GRIK5: variants seen among roughly 807,000 people sequenced by gnomAD.
GRIK5 encodes glutamate ionotropic receptor kainate type subunit 5, also known as glutamate receptor ionotropic, kainate 5.
Under a neutral mutation model 97.4 loss-of-function variants are expected in GRIK5, and 43 were observed. The observed-to-expected ratio is 0.44, with a 90% confidence interval of 0.35 to 0.57. GRIK5 has a LOEUF of 0.57. Among genes scored for constraint, GRIK5 ranks in the 20% least tolerant of loss-of-function variants. The pLI, the probability that GRIK5 is intolerant of heterozygous loss-of-function variation, is 0.01. For missense variants in GRIK5, 1,015 were observed against 1,382.0 expected (o/e 0.73, Z 4.21); for synonymous variants, 580 against 583.5 (o/e 0.99, Z 0.09).
At chr19:42,009,767 CAAA>C (rs1171061442) in intron 15 of GRIK5, among the ~76,000 whole-genome samples, 15 of 63,176 alleles carry the variant, frequency 2.4e-4, no homozygotes, top group African/African-American at 4.9e-4. Flanking sequence ...GACTTTGTCT[CAAA>C]AAAAAAAAAA....
rs1555870414 is a variant in GRIK5 at position 41,999,303 on chromosome 19, G to C, written c.2515-4C>G. ...GCATCTCCTGGCACACCGACACCTG[G>C]GGGTGGCGCGGGCGGTCACCGTCCC... On this transcript the variant is annotated splice_region_variant and splice_polypyrimidine_tract_variant and intron_variant, in intron 19 of 19. Transcript: ENST00000593562. This position sits in a 1 kb window ranked among gnomAD's most constrained non-coding sequence, Gnocchi z 5.0. The C allele has an allele frequency of 2.0e-6, 3 of 1,510,822 alleles. No individual in the cohort carries two copies. The highest frequency in any genetic ancestry group is 2.7e-5 in the East Asian group (1 of 36,902). 93.6% of individuals were successfully genotyped at this position (1,510,822 alleles called of 1,614,324 possible). A position where few individuals can be genotyped will look rare whatever the true frequency, so the allele number is the denominator to read the frequency against.
At chr19:42,053,367 T>C (rs967497885) in intron 11 of GRIK5, among the ~76,000 whole-genome samples, 6 of 152,234 alleles carry the variant, frequency 3.9e-5, no homozygotes, top group African/African-American at 2.4e-5. Context: ...CAGAGCCAGA[T>C]ACTGTGCAAA....
At chr19:42,058,999 A>G (rs906073369) in intron 6 of GRIK5, among the ~76,000 whole-genome samples, 3 of 151,918 alleles carry the variant, frequency 2.0e-5, no homozygotes, top group Non-Finnish European at 4.4e-5. Context: ...TTCTCTCCCC[A>G]TCACTCGCTC....
At chr19:42,033,415 G>A (rs2075864171) in intron 12 of GRIK5, among the ~76,000 whole-genome samples, 1 of 151,286 alleles carries the variant, frequency 6.6e-6, no homozygotes, top group Non-Finnish European at 1.5e-5. Context: ...AGTGAAAGAA[G>A]CCATACACAA....
Position 41,999,237 on chromosome 19 carries a change from C to A in GRIK5, c.2577G>T (p.Ser859=). The change falls in exon 20 of 20, where the codon TCG becomes TCT. Residue 859 remains serine (S), a synonymous_variant. Coordinates refer to ENST00000593562, the MANE Select transcript of GRIK5 (RefSeq NM_002088.5). This position sits in a 1 kb window ranked among gnomAD's most constrained non-coding sequence, Gnocchi z 5.0. ...LRHAVSCRKT[S]RSRRRRRPGG... ...CCGGGCGTCGGCGCCGGCGGGAACGCGACGTCTTGCGGCAAGAAACGGCGT... is the reference window on the plus strand; with the variant it reads ...CCGGGCGTCGGCGCCGGCGGGAACGAGACGTCTTGCGGCAAGAAACGGCGT... The A allele has an allele frequency of 6.6e-7, 1 of 1,523,294 alleles. No homozygotes were observed. The allele number at this position is 1,523,294 out of a possible 1,614,324, so 94.4% of individuals were successfully genotyped here.
Position 42,065,346 on chromosome 19 carries a change from G to C in GRIK5, c.121C>G (p.Arg41Gly). The C allele has an allele frequency of 6.2e-7, 1 of 1,607,110 alleles. No homozygotes were observed. The highest frequency in any genetic ancestry group is 8.5e-7 in the Non-Finnish European group (1 of 1,176,900). The change falls in exon 3 of 20, where the codon CGT becomes GGT. Residue 41 changes from arginine (R) to glycine (G), a missense_variant. By Grantham distance (125) the Arg-to-Gly change is moderately radical. Coordinates refer to ENST00000593562, the MANE Select transcript of GRIK5 (RefSeq NM_002088.5). This position sits in a 1 kb window ranked among gnomAD's most constrained non-coding sequence, Gnocchi z 5.8. ...DDQTVCGRGE[R>G]LALALAREQI... ...TCCCGGGCCAAGGCCAAGGCCAGACGCTCACCGCGGCCACACACTGTCTGA... is the reference window on the plus strand; with the variant it reads ...TCCCGGGCCAAGGCCAAGGCCAGACCCTCACCGCGGCCACACACTGTCTGA...
rs782136995 is a variant in GRIK5, at chr19:42,003,552, G to T, written c.2392+3C>A. ...GAAGGGGACACCATACGCGGGAACTGACCTTTAGCTCGATGGTCCTCCTCC... is the reference window on the plus strand; with the variant it reads ...GAAGGGGACACCATACGCGGGAACTTACCTTTAGCTCGATGGTCCTCCTCC... On this transcript the variant is annotated splice_donor_region_variant and intron_variant, in intron 18 of 19. Transcript: ENST00000593562. The surrounding 1 kb of genome is among the most constrained non-coding windows in gnomAD (Gnocchi z 4.2). 10 of 1,609,590 alleles carry T rather than the reference G, an allele frequency of 6.2e-6. No individual in the cohort carries two copies. Among genetic ancestry groups the T allele is most frequent in the Non-Finnish European group, 8.5e-6 (10 of 1,177,518 alleles).
chr19:42,012,220 GTATGTGTATGTA>G (rs2075571687), intron 15 of GRIK5, among the ~76,000 whole-genome samples: 1 of 151,468 alleles, frequency 6.6e-6, no homozygotes, highest in African/African-American at 2.4e-5. Context: ...ATATATACAT[GTATGTGTATGTA>G]TGTATGTATG....
chr19:42,051,846 C>T (rs2076121120), intron 11 of GRIK5, among the ~76,000 whole-genome samples: 1 of 152,206 alleles, frequency 6.6e-6, no homozygotes, highest in African/African-American at 2.4e-5. Flanking sequence ...CCTCCTGCCG[C>T]TCCTGCTGCC....
Position 42,021,473 on chromosome 19 carries a change from G to C in GRIK5, c.1699C>G (p.Leu567Val). 6.4e-7 allele frequency: 1 copy of C among 1,554,642 alleles called. No individual in the cohort carries two copies. The highest frequency in any genetic ancestry group is 1.4e-5 in the African/African-American group (1 of 73,516). Reference protein sequence around the residue: ...VSCVLFLAARLSPYEWYNPHP... With the variant: ...VSCVLFLAARVSPYEWYNPHP... ...GGGTTATACCACTCATAGGGGCTCA[G>C]CCTGTGGAGAGACGTGCAGCGTGTG... is the stretch of plus-strand genomic sequence containing the variant. Residue 567 changes from leucine to valine, a missense_variant and splice_region_variant, in exon 15 of 20, where the codon CTG (leucine) becomes GTG (valine). This residue lies in a region of GRIK5 where 477 missense variants were observed against 701.1 expected (regional missense o/e 0.68). Transcript: ENST00000593562. The surrounding 1 kb of genome is among the most constrained non-coding windows in gnomAD (Gnocchi z 4.2).
intron 12 of GRIK5, among the ~76,000 whole-genome samples, chr19:42,034,616 C>T (rs2075879251): frequency 6.6e-6 from 1 of 152,138 alleles, no homozygotes; most frequent in Non-Finnish European, 1.5e-5. Context: ...GTTCTAGGCG[C>T]TGGGGATGCA....
chr19:42,053,960 G>A (rs1352038476), intron 9 of GRIK5, 31 bp from the exon 10 acceptor site: 2 of 1,462,646 alleles, frequency 1.4e-6, no homozygotes, highest in South Asian at 2.3e-5. Context: ...GGCAGAGGGA[G>A]AGTGCAGGGG....
intron 15 of GRIK5, among the ~76,000 whole-genome samples, chr19:42,011,543 A>T (rs1009942409): frequency 2.7e-5 from 4 of 147,620 alleles, no homozygotes; most frequent in African/African-American, 7.6e-5. Context: ...ACAGAGCGAG[A>T]CTCCGTCTCA....
intron 12 of GRIK5, among the ~76,000 whole-genome samples, chr19:42,041,895 G>A (rs774761506): frequency 3.3e-5 from 5 of 152,244 alleles, no homozygotes; most frequent in East Asian, 3.9e-4. Flanking sequence ...CTCTGGGACC[G>A]TCCTCTGAGC....
chr19:42,006,935 TG>T lies in GRIK5; in HGVS notation c.1872-126del. ...AGCATCTGGAAGACTCAGTGACTGC[TG>T]GGTGCAGAAGCGGGGAGTGTGGATT... On this transcript the variant is annotated intron_variant, in intron 15 of 19. Transcript: ENST00000593562. The surrounding 1 kb of genome is among the most constrained non-coding windows in gnomAD (Gnocchi z 5.3). The T allele has an allele frequency of 1.5e-6, 1 of 664,526 alleles. No homozygotes were observed. The highest frequency in any genetic ancestry group is 2.0e-5 in the South Asian group (1 of 51,198). The allele number at this position is 664,526 out of a possible 1,614,324, so 41.2% of individuals were successfully genotyped here. A position where few individuals can be genotyped will look rare whatever the true frequency, so the allele number is the denominator to read the frequency against.
chr19:42,013,107 A>G (rs1362385836), intron 15 of GRIK5, among the ~76,000 whole-genome samples: 1 of 151,730 alleles, frequency 6.6e-6, no homozygotes, highest in Non-Finnish European at 1.5e-5. Context: ...TAATCGCGGC[A>G]CTTTGGGAGG....
intron 12 of GRIK5, among the ~76,000 whole-genome samples, chr19:42,030,769 C>T (rs932710072): frequency 1.3e-5 from 2 of 152,076 alleles, no homozygotes; most frequent in African/African-American, 4.8e-5. Flanking sequence ...TGGCAACCGG[C>T]GCTGTTTTGT....
intron 11 of GRIK5, among the ~76,000 whole-genome samples, chr19:42,052,701 G>A (rs1051415860): frequency 6.6e-6 from 1 of 152,114 alleles, no homozygotes; most frequent in Non-Finnish European, 1.5e-5. Context: ...GAAGAGCATG[G>A]CTGCCTGGCA....
chr19:42,057,009 T>TGA (rs1568926749), intron 6 of GRIK5, 31 bp from the exon 7 acceptor site: 1 of 1,528,300 alleles, frequency 6.5e-7, no homozygotes, highest in Non-Finnish European at 8.9e-7. Context: ...AGAGGCAGAG[T>TGA]GAGAGACAGA....
Sources: allele counts gnomAD v4.1 joint callset (sites outside exome capture counted in the v4.1 genomes callset), GRCh38; gene constraint gnomAD v4.1.1; regional missense constraint gnomAD v4.1.1; non-coding constraint Gnocchi (gnomAD v3.1); transcripts MANE v1.5; gene names NCBI Gene and HGNC (gene_info 2026-07-23, HGNC 2026-07-21).